The following DNAH10 variants were observed in gnomAD, a reference collection of about 807,000 sequenced individuals.
DNAH10 encodes the protein dynein axonemal heavy chain 10.
DNAH10 carries 348 observed loss-of-function variants against 506.6 expected under a neutral mutation model. That is an observed-to-expected ratio of 0.69 (90% CI 0.63 to 0.75). The LOEUF is 0.75. Among genes scored for constraint, DNAH10 ranks in the 30% least tolerant of loss-of-function variants. The pLI, the probability that DNAH10 is intolerant of heterozygous loss-of-function variation, is 0.00. For missense variants in DNAH10, 5,179 were observed against 5,787.1 expected, an observed-to-expected ratio of 0.89 and a Z score of 3.41; for synonymous variants, 2,059 against 2,198.6, an observed-to-expected ratio of 0.94 and a Z score of 1.78.
At chr12:123,814,239 T>C (rs752750160) in intron 21 of DNAH10, 6 of 185,550 alleles carry the variant, frequency 3.2e-5, no homozygotes, top group Non-Finnish European at 6.6e-5. Flanking sequence ...AGATTTAAGA[T>C]AATAAAAGAA....
rs1957432352 is a variant in DNAH10, at chr12:123,776,205, A to C, written c.621+1941A>C. ...CAAGGGTGATGGTTATTTAGGCTCC[A>C]ATCAGGGGAGGGAGGGAGAAGCAGA... On this transcript the variant is annotated intron_variant, in intron 5 of 78. Coordinates refer to ENST00000673944, the MANE Select transcript of DNAH10 (RefSeq NM_001372106.1). Among the ~76,000 whole-genome samples the C allele has an allele frequency of 3.3e-5, 5 of 152,074 alleles. No homozygotes were observed. The South Asian group carries it at 1.0e-3, about 32-fold the overall frequency.
Position 123,914,937 on chromosome 12 carries a change from A to G in DNAH10, c.10660A>G (p.Ile3554Val), listed in dbSNP as rs1437864365. Residue 3554 changes from isoleucine (I) to valine (V), a missense_variant, in exon 62 of 79, where the codon ATC becomes GTC. Physicochemically the swap from Ile to Val is conservative, Grantham distance 29. Around this residue, in one of 3 missense-constraint regions of DNAH10, gnomAD observed 4,844 missense variants for 5,430.5 expected, o/e 0.89. Coordinates refer to ENST00000673944, the MANE Select transcript of DNAH10 (RefSeq NM_001372106.1). The part of the protein sequence containing the change: ...TTRASRFPLC[I>V]DPQQQALNWI... ...CCGGGCCAGCCGCTTCCCTCTGTGT[A>G]TCGACCCCCAGCAGCAGGCCCTCAA... 2.5e-6 allele frequency: 4 copies of G among 1,612,652 alleles called. No individual in the cohort carries two copies. The highest frequency in any genetic ancestry group is 3.4e-6 in the Non-Finnish European group (4 of 1,179,378).
chr12:123,896,148 C>CACACACACACAGAGAGAGAGAG (rs1383690518), intron 54 of DNAH10, among the ~76,000 whole-genome samples: 3 of 95,272 alleles, frequency 3.1e-5, no homozygotes, highest in African/African-American at 5.2e-5. Flanking sequence ...CACACACACA[C>CACACACACACAGAGAGAGAGAG]AGAGAGAGAG....
At chr12:123,824,360 T>C (rs1959740632) in intron 24 of DNAH10, among the ~76,000 whole-genome samples, 1 of 152,130 alleles carries the variant, frequency 6.6e-6, no homozygotes, top group Non-Finnish European at 1.5e-5. Flanking sequence ...TGGACGTTCC[T>C]GTGGTGATGT....
intron 14 of DNAH10, among the ~76,000 whole-genome samples, chr12:123,799,644 A>G (rs565225427): frequency 1.3e-5 from 2 of 152,336 alleles, no homozygotes; most frequent in Non-Finnish European, 2.9e-5. Context: ...GCGTTTTATA[A>G]ATCAGATGAT....
In DNAH10 at chr12:123,931,407, T is replaced by C. The variant is rs769503900; in HGVS notation, c.12851T>C (p.Ile4284Thr). The C allele has an allele frequency of 1.9e-6, 3 of 1,613,988 alleles. No homozygotes were observed. Among genetic ancestry groups the C allele is most frequent in the Admixed American group, 1.7e-5 (1 of 60,024 alleles). Residue 4284 changes from isoleucine to threonine, a missense_variant, in exon 74 of 79, where the codon ATT (isoleucine) becomes ACT (threonine). Transcript: ENST00000673944. ...EVFGLHPNAE[I>T]GYYTQAARDM... ...TTTGGTCTCCACCCCAACGCTGAGA[T>C]TGGCTATTACACGCAGGCGGCTCGA...
At chr12:123,842,810 G>C (rs1185525661) in intron 30 of DNAH10, among the ~76,000 whole-genome samples, 1 of 152,144 alleles carries the variant, frequency 6.6e-6, no homozygotes, top group East Asian at 1.9e-4. Context: ...TGAAATAAGT[G>C]GTTTAACAAC....
At position 123,902,791 on chromosome 12, in the gene DNAH10, T is replaced by C. The variant is rs1381297121; in HGVS notation, c.9641-148T>C. The C allele has an allele frequency of 2.9e-6, 3 of 1,031,598 alleles. No individual in the cohort carries two copies. Among genetic ancestry groups the C allele is most frequent in the Non-Finnish European group, 4.1e-6 (3 of 732,038 alleles). The allele number at this position is 1,031,598 out of a possible 1,614,324, so 63.9% of individuals were successfully genotyped here. A position where few individuals can be genotyped will look rare whatever the true frequency, so the allele number is the denominator to read the frequency against. On this transcript the variant is annotated intron_variant, in intron 56 of 78. Transcript: ENST00000673944. This position sits in a 1 kb window ranked among gnomAD's most constrained non-coding sequence, Gnocchi z 4.5. ...GGTGAGGTTTTCTGTCCCACCAGGA[T>C]CACTGAGGCTGCCACATTGGCCAGA... is the stretch of plus-strand genomic sequence containing the variant.
chr12:123,867,003 A>G (rs1555237930), intron 41 of DNAH10, among the ~76,000 whole-genome samples: 1 of 152,216 alleles, frequency 6.6e-6, no homozygotes, highest in Non-Finnish European at 1.5e-5. Flanking sequence ...AAAGAGCAGA[A>G]CAAAGGAAGA....
intron 56 of DNAH10, among the ~76,000 whole-genome samples, 188 bp downstream of exon 56, chr12:123,899,002 G>A (rs904703051): frequency 2.0e-5 from 3 of 152,130 alleles, no homozygotes; most frequent in African/African-American, 7.2e-5. Context: ...TTCTGAATTC[G>A]TGTCCAGCCA....
chr12:123,924,007 C>T (rs1053353442), intron 66 of DNAH10, 140 bp downstream of exon 66: 4 of 741,018 alleles, frequency 5.4e-6, no homozygotes, highest in African/African-American at 3.6e-5. Flanking sequence ...TTCACTATTC[C>T]AGTTGATCAT....
rs1344337814 is a variant in DNAH10, at chr12:123,801,386, C to T, written c.2568C>T (p.Leu856=). Residue 856 remains leucine, a synonymous_variant, in exon 16 of 79, where the codon CTC becomes CTT. Transcript: ENST00000673944. ...VLLKDHSQEL[L]RVFRSGYKRL... The stretch of plus-strand genomic sequence containing the variant: ...TCAAAGATCATTCCCAGGAACTGCT[C>T]CGAGTGTTTAGGTCGGGATATAAGA... The T allele has an allele frequency of 1.9e-6, 3 of 1,614,132 alleles. No individual in the cohort carries two copies. Among genetic ancestry groups the T allele is most frequent in the Non-Finnish European group, 2.5e-6 (3 of 1,180,044 alleles).
rs1953591647 is a variant in DNAH10 at position 123,902,889 on chromosome 12, T to G, written c.9641-50T>G. On this transcript the variant is annotated intron_variant, in intron 56 of 78. Transcript: ENST00000673944. This position sits in a 1 kb window ranked among gnomAD's most constrained non-coding sequence, Gnocchi z 4.5. ...CTCTGCTCAGAGCCGGGGCCGCGAG[T>G]GCATCTCCTCTGAGCCCAAGCTTTA... 4 of 1,529,606 alleles carry G rather than the reference T, an allele frequency of 2.6e-6. No individual in the cohort carries two copies. The Admixed American group carries it at 6.2e-5, about 24-fold the overall frequency. The allele number at this position is 1,529,606 out of a possible 1,614,324, so 94.8% of individuals were successfully genotyped here. A position where few individuals can be genotyped will look rare whatever the true frequency, so the allele number is the denominator to read the frequency against.
intron 50 of DNAH10, among the ~76,000 whole-genome samples, chr12:123,880,624 C>T (rs897436829): frequency 1.3e-5 from 2 of 151,548 alleles, no homozygotes; most frequent in African/African-American, 4.9e-5. Flanking sequence ...GGATTATAGG[C>T]ATGAGCCACT....
At chr12:123,833,014 G>T in intron 26 of DNAH10, 100 bp from the exon 27 acceptor site, 1 of 828,940 alleles carries the variant, frequency 1.2e-6, no homozygotes, top group Non-Finnish European at 2.0e-6. Flanking sequence ...GACTCCGATT[G>T]CATTGTTGGC....
rs1954849113 is a variant in DNAH10 at position 123,924,410 on chromosome 12, A to G, written c.11744A>G (p.Asn3915Ser). Residue 3915 changes from asparagine to serine, a missense_variant, in exon 67 of 79, where the codon AAT (asparagine) becomes AGT (serine). Coordinates refer to ENST00000673944, the MANE Select transcript of DNAH10 (RefSeq NM_001372106.1). ...NFGQLPDDVE[N>S]NQTVWQEWYD... The stretch of plus-strand genomic sequence containing the variant: ...GGGCAACTTCCTGATGATGTTGAGA[A>G]TAATCAGACTGTCTGGCAGGAGGTG... 4 of 1,613,394 alleles carry G rather than the reference A, an allele frequency of 2.5e-6. No individual in the cohort carries two copies. The East Asian group carries it at 8.9e-5, about 36-fold the overall frequency.
At chr12:123,840,674 C>T (rs533054172) in intron 29 of DNAH10, among the ~76,000 whole-genome samples, 9 of 152,188 alleles carry the variant, frequency 5.9e-5, no homozygotes, top group Non-Finnish European at 5.9e-5. Context: ...TGTTTTTATT[C>T]TTTAAAGCCT....
At chr12:123,781,565 A>G (rs1448940008) in intron 6 of DNAH10, among the ~76,000 whole-genome samples, 2 of 151,984 alleles carry the variant, frequency 1.3e-5, no homozygotes, top group African/African-American at 4.8e-5. Flanking sequence ...CCCTGGGTTC[A>G]AGGGATTCTC....
At chr12:123,868,281 G>C (rs1951891975) in intron 43 of DNAH10, among the ~76,000 whole-genome samples, 162 bp downstream of exon 43, 1 of 152,144 alleles carries the variant, frequency 6.6e-6, no homozygotes, top group African/African-American at 2.4e-5. Flanking sequence ...GGAACACCCA[G>C]GAGCGGTTCA....
Sources: allele counts gnomAD v4.1 joint callset (sites outside exome capture counted in the v4.1 genomes callset), GRCh38; gene constraint gnomAD v4.1.1; regional missense constraint gnomAD v4.1.1; non-coding constraint Gnocchi (gnomAD v3.1); transcripts MANE v1.5; gene names NCBI Gene and HGNC (gene_info 2026-07-23, HGNC 2026-07-21).